ZSWIM2: variants seen among roughly 807,000 people sequenced by gnomAD.
ZSWIM2 encodes E3 ubiquitin-protein ligase ZSWIM2.
ZSWIM2 carries 38 observed loss-of-function variants against 48.4 expected under a neutral mutation model. That is an observed-to-expected ratio of 0.79 (90% CI 0.61 to 1.03). The LOEUF is 1.03. Ranked by LOEUF, ZSWIM2 falls within the 50% of genes least tolerant of loss-of-function variation. ZSWIM2 has a pLI of 0.00. For missense variants in ZSWIM2, 776 were observed against 730.2 expected (o/e 1.06, Z -0.72); for synonymous variants, 240 against 251.3 (o/e 0.96, Z 0.42).
chr2:186,834,183 C>T (rs780129309), intron 5 of ZSWIM2, among the ~76,000 whole-genome samples, 153 bp from the exon 6 acceptor site: 3 of 152,282 alleles, frequency 2.0e-5, no homozygotes, highest in African/African-American at 2.4e-5. Context: ...CCTGTTGCTG[C>T]TGTAAAAATT....
At chr2:186,846,806 C>CATATATATATAT (rs1388154833) in intron 2 of ZSWIM2, among the ~76,000 whole-genome samples, 12 of 43,300 alleles carry the variant, frequency 2.8e-4, no homozygotes, top group African/African-American at 9.8e-4. Context: ...TACACACACA[C>CATATATATATAT]ACACATATAT....
chr2:186,849,162 C>G lies in ZSWIM2; in HGVS notation c.-32G>C. ...TGCGGGCGGAGGCGGCCCCTCTGCTCGGCTCACTGAGGCGCCAGCCGGTCT... is the reference window on the plus strand; with the variant it reads ...TGCGGGCGGAGGCGGCCCCTCTGCTGGGCTCACTGAGGCGCCAGCCGGTCT... On this transcript the variant is annotated 5_prime_UTR_variant, in exon 1 of 9. Transcript: ENST00000295131. The G allele has an allele frequency of 6.3e-7, 1 of 1,581,542 alleles. No individual in the cohort carries two copies. Among genetic ancestry groups the G allele is most frequent in the East Asian group, 2.3e-5 (1 of 44,000 alleles).
Position 186,839,063 on chromosome 2 carries a change from A to C in ZSWIM2, c.390T>G (p.Val130=). 1 of 1,611,980 alleles carries C rather than the reference A, an allele frequency of 6.2e-7. No homozygotes were observed. The highest frequency in any genetic ancestry group is 8.5e-7 in the Non-Finnish European group (1 of 1,178,488). The change falls in exon 4 of 9, where the codon GTT becomes GTG. Residue 130 remains valine, a synonymous_variant. Coordinates refer to ENST00000295131, the MANE Select transcript of ZSWIM2 (RefSeq NM_182521.3). The part of the protein sequence containing the change: ...QPGTNDENEH[V]EEDGYIKQKE... ...TCTGTTTAATGTACCCATCTTCTTC[A>C]ACATGTTCATTTTCGTCATTTGTTC...
chr2:186,837,741 C>A (rs1284072598), intron 4 of ZSWIM2, among the ~76,000 whole-genome samples, 187 bp from the exon 5 acceptor site: 3 of 150,486 alleles, frequency 2.0e-5, no homozygotes, highest in Non-Finnish European at 3.0e-5. Flanking sequence ...CACACTCACT[C>A]ATTCTAGTAA....
intron 8 of ZSWIM2, among the ~76,000 whole-genome samples, 180 bp from the exon 9 acceptor site, chr2:186,828,970 A>G (rs1691648632): frequency 6.6e-6 from 1 of 152,106 alleles, no homozygotes; most frequent in Admixed American, 6.6e-5. Flanking sequence ...ATAACTATGT[A>G]GGGACTGATT....
intron 2 of ZSWIM2, among the ~76,000 whole-genome samples, chr2:186,845,898 A>C (rs1322896857): frequency 2.0e-5 from 3 of 151,744 alleles, no homozygotes; most frequent in Non-Finnish European, 4.4e-5. Context: ...ATAACATCCT[A>C]TTCAATAAAT....
At position 186,838,324 on chromosome 2, in the gene ZSWIM2, ATAT is replaced by A. The variant is rs200435754; in HGVS notation, c.494+632_494+634del. On this transcript the variant is annotated intron_variant, in intron 4 of 8. Transcript: ENST00000295131. ...AGACAGAATGAAAGGGATGAAAGAA[ATAT>A]TATTGTTGGCATTAATGAGTAAAAA... Among the ~76,000 whole-genome samples the A allele has an allele frequency of 6.8e-3, 1,030 of 151,156 alleles. 13 individuals carry two copies. Among genetic ancestry groups the A allele is most frequent in the African/African-American group, 0.024 (972 of 41,328 alleles).
intron 2 of ZSWIM2, among the ~76,000 whole-genome samples, chr2:186,845,278 T>C (rs1211992484): frequency 1.3e-5 from 2 of 151,540 alleles, no homozygotes; most frequent in Non-Finnish European, 1.5e-5. Context: ...TACTTTAGTA[T>C]ATGAAGCACT....
intron 2 of ZSWIM2, among the ~76,000 whole-genome samples, chr2:186,845,359 A>ATACC (rs969173809): frequency 2.6e-5 from 4 of 151,406 alleles, no homozygotes; most frequent in African/African-American, 9.7e-5. Context: ...TCAAAAGAGA[A>ATACC]TACCCTTCCC....
At chr2:186,836,605 A>G (rs955654142) in intron 5 of ZSWIM2, among the ~76,000 whole-genome samples, 10 of 152,076 alleles carry the variant, frequency 6.6e-5, no homozygotes, top group African/African-American at 1.4e-4. Flanking sequence ...AAACTGATAC[A>G]TTTCAAAAAA....
intron 5 of ZSWIM2, among the ~76,000 whole-genome samples, chr2:186,836,633 AT>A (rs1229490126): frequency 1.3e-5 from 2 of 152,140 alleles, no homozygotes; most frequent in African/African-American, 4.8e-5. Flanking sequence ...AAAGATTGAA[AT>A]AATGTTTTCT....
intron 3 of ZSWIM2, among the ~76,000 whole-genome samples, chr2:186,841,571 AC>A (rs1435687160): frequency 6.6e-6 from 1 of 151,454 alleles, no homozygotes; most frequent in Non-Finnish European, 1.5e-5. Context: ...TTTGAAAAGA[AC>A]AAAAAGCTTC....
rs371288264 is a variant in ZSWIM2 at position 186,848,925 on chromosome 2, G to A, written c.165+41C>T. On this transcript the variant is annotated intron_variant, in intron 1 of 8. Transcript: ENST00000295131. ...ATGCCAGTGGGGGAACCTGGTGGGC[G>A]GGGATGATGGCCAACTGGGGGCGGT... The A allele has an allele frequency of 3.2e-5, 51 of 1,611,208 alleles. No individual in the cohort carries two copies. In the African/African-American group the frequency reaches 5.9e-4, roughly 19 times the overall value.
chr2:186,849,117 C>G lies in ZSWIM2; in HGVS notation c.14G>C (p.Gly5Ala). The G allele has an allele frequency of 6.2e-7, 1 of 1,611,330 alleles. No individual in the cohort carries two copies. Among genetic ancestry groups the G allele is most frequent in the Non-Finnish European group, 8.5e-7 (1 of 1,178,154 alleles). The change falls in exon 1 of 9, where the codon GGC (glycine) becomes GCC (alanine). Residue 5 changes from glycine (G) to alanine (A), a missense_variant. Physicochemically the swap from Gly to Ala is moderately conservative, Grantham distance 60. Transcript: ENST00000295131. Reference sequence around the variant, plus strand: ...TCTTCGCCTTTCAGAGGCCTTATAGCCTCGGCGAAGCATGCTGGGTGCGGG... The same window carrying G: ...TCTTCGCCTTTCAGAGGCCTTATAGGCTCGGCGAAGCATGCTGGGTGCGGG... MLRRGYKASERRRHL... is the reference protein window; with the variant it reads MLRRAYKASERRRHL...
chr2:186,835,407 G>A (rs1047369203), intron 5 of ZSWIM2, among the ~76,000 whole-genome samples: 1 of 152,098 alleles, frequency 6.6e-6, no homozygotes, highest in Non-Finnish European at 1.5e-5. Flanking sequence ...GAAGATTATT[G>A]CCATGAGAAA....
chr2:186,835,852 G>A (rs1286328346), intron 5 of ZSWIM2, among the ~76,000 whole-genome samples: 1 of 152,170 alleles, frequency 6.6e-6, no homozygotes, highest in Admixed American at 6.6e-5. Flanking sequence ...ACAGAGATGA[G>A]TAATTGTTAG....
At chr2:186,839,241 G>T in intron 3 of ZSWIM2, 72 bp from the exon 4 acceptor site, 2 of 1,351,486 alleles carry the variant, frequency 1.5e-6, no homozygotes, top group Non-Finnish European at 2.1e-6. Flanking sequence ...AACTTATGCT[G>T]AAAGTTAGAA....
At position 186,835,461 on chromosome 2, in the gene ZSWIM2, CTAATT is replaced by C. The variant is rs148035875; in HGVS notation, c.744-1436_744-1432del. ...TCAGACATCTTAAAAGAAGCAACTGCTAATTTATTCATTATTACTCTTTGTACATA... is the reference window on the plus strand; with the variant it reads ...TCAGACATCTTAAAAGAAGCAACTGCTATTCATTATTACTCTTTGTACATA... On this transcript the variant is annotated intron_variant, in intron 5 of 8. Coordinates refer to ENST00000295131, the MANE Select transcript of ZSWIM2 (RefSeq NM_182521.3). Among the ~76,000 whole-genome samples, 80 of 152,118 alleles carry C rather than the reference CTAATT, an allele frequency of 5.3e-4. 1 individual carries two copies. The East Asian group carries it at 0.013, about 24-fold the overall frequency.
intron 2 of ZSWIM2, among the ~76,000 whole-genome samples, chr2:186,845,000 CAG>C (rs989355073): frequency 1.3e-5 from 2 of 151,324 alleles, no homozygotes; most frequent in South Asian, 2.1e-4. Context: ...AGAGATTTGT[CAG>C]AGAGAGTCCA....
Sources: allele counts gnomAD v4.1 joint callset (sites outside exome capture counted in the v4.1 genomes callset), GRCh38; gene constraint gnomAD v4.1.1; transcripts MANE v1.5; gene names NCBI Gene and HGNC (gene_info 2026-07-23, HGNC 2026-07-21).